Variants in DYSF observed in about 807,000 individuals in gnomAD.
The protein encoded by DYSF is dysferlin.
In DYSF, 212 loss-of-function variants were observed where a neutral mutation model predicts 274.9. The ratio of observed to expected loss-of-function variants is 0.77; its 90% CI spans 0.69 to 0.86. The LOEUF (loss-of-function observed/expected upper bound fraction) is 0.86. Among genes scored for constraint, DYSF ranks in the 40% least tolerant of loss-of-function variants. The pLI, the probability that DYSF is intolerant of heterozygous loss-of-function variation, is 0.00. For synonymous variants in DYSF, 1,091 were observed against 1,078.7 expected, an observed-to-expected ratio of 1.01 and a Z score of -0.22; for missense variants, 2,666 against 2,783.2, an observed-to-expected ratio of 0.96 and a Z score of 0.95.
intron 3 of DYSF, among the ~76,000 whole-genome samples, chr2:71,499,925 C>T (rs1198261058): frequency 2.0e-5 from 3 of 152,172 alleles, no homozygotes; most frequent in Non-Finnish European, 4.4e-5. Context: ...TCATAGCTGG[C>T]CCTGTGCAGG....
chr2:71,543,465 C>T (rs1438734995), intron 17 of DYSF, among the ~76,000 whole-genome samples: 13 of 151,952 alleles, frequency 8.6e-5, no homozygotes, highest in African/African-American at 2.7e-4. Flanking sequence ...GGGTGGCGGC[C>T]GGGCAGAGGC....
intron 32 of DYSF, among the ~76,000 whole-genome samples, chr2:71,596,574 C>A (rs948725185): frequency 1.3e-5 from 2 of 152,126 alleles, no homozygotes; most frequent in Non-Finnish European, 2.9e-5. Flanking sequence ...TGGGCCCTGC[C>A]AGGGGCAGGA....
At chr2:71,479,761 A>G (rs2082733894) in intron 1 of DYSF, among the ~76,000 whole-genome samples, 1 of 152,194 alleles carries the variant, frequency 6.6e-6, no homozygotes, top group Admixed American at 6.5e-5. Context: ...CAGCCATCAA[A>G]GTGTTAGTTC....
chr2:71,482,823 T>A (rs938040325), intron 3 of DYSF, among the ~76,000 whole-genome samples: 7 of 151,464 alleles, frequency 4.6e-5, no homozygotes, highest in Non-Finnish European at 7.4e-5. Flanking sequence ...CCAGCAGGAG[T>A]GGGTTCGTGC....
In DYSF at chr2:71,551,032, G is replaced by A. The variant is rs1273356143; in HGVS notation, c.1577-9G>A. ...GCCGACCCCTCTGATTGCCACTTGT[G>A]TCTCCCAGTGGATGACTACCTGGGC... On this transcript the variant is annotated splice_polypyrimidine_tract_variant and intron_variant, in intron 17 of 55. Coordinates refer to ENST00000410020, the MANE Select transcript of DYSF (RefSeq NM_001130987.2). The A allele has an allele frequency of 1.2e-6, 2 of 1,612,312 alleles. No homozygotes were observed. The highest frequency in any genetic ancestry group is 1.7e-6 in the Non-Finnish European group (2 of 1,178,324).
At chr2:71,620,370 A>G (rs1022531240) in intron 40 of DYSF, among the ~76,000 whole-genome samples, 177 bp from the exon 41 acceptor site, 1 of 152,202 alleles carries the variant, frequency 6.6e-6, no homozygotes, top group African/African-American at 2.4e-5. Flanking sequence ...GGGCTTGCTC[A>G]AAGTCACACA....
At position 71,598,546 on chromosome 2, in the gene DYSF, C is replaced by A. The variant is rs376861951; in HGVS notation, c.3575-18C>A. The A allele has an allele frequency of 2.5e-6, 4 of 1,614,156 alleles. No individual in the cohort carries two copies. The highest frequency in any genetic ancestry group is 1.3e-5 in the African/African-American group (1 of 75,072). Reference sequence around the variant, plus strand: ...CCTGCTGTGTCCTGTCTCCCCTCCCCCTCTCCGGCCCATGCAGATCCCTAT... The same window carrying A: ...CCTGCTGTGTCCTGTCTCCCCTCCCACTCTCCGGCCCATGCAGATCCCTAT... On this transcript the variant is annotated intron_variant, in intron 32 of 55. Transcript: ENST00000410020.
At chr2:71,671,136 G>A (rs780287784) in intron 51 of DYSF, among the ~76,000 whole-genome samples, 1 of 152,178 alleles carries the variant, frequency 6.6e-6, no homozygotes, top group Non-Finnish European at 1.5e-5. Flanking sequence ...AAAGCAAAAT[G>A]TTCCGCGGAA....
intron 4 of DYSF, among the ~76,000 whole-genome samples, chr2:71,510,586 C>T (rs770612746): frequency 2.0e-5 from 3 of 152,156 alleles, no homozygotes; most frequent in Admixed American, 6.5e-5. Context: ...GTGGCTGTCC[C>T]CAGGCCCCAG....
chr2:71,648,681 T>A (rs1440804858), intron 42 of DYSF, among the ~76,000 whole-genome samples: 1 of 152,238 alleles, frequency 6.6e-6, no homozygotes, highest in African/African-American at 2.4e-5. Context: ...CATATTCTAA[T>A]ATAATTACTG....
intron 51 of DYSF, among the ~76,000 whole-genome samples, chr2:71,672,562 C>T (rs2095145843): frequency 6.6e-6 from 1 of 152,190 alleles, no homozygotes; most frequent in Non-Finnish European, 1.5e-5. Flanking sequence ...CAGGCACCCA[C>T]CCTGCAAATA....
intron 6 of DYSF, 59 bp from the exon 7 acceptor site, chr2:71,513,657 G>A: frequency 6.3e-7 from 1 of 1,576,150 alleles, no homozygotes; most frequent in Non-Finnish European, 8.7e-7. Flanking sequence ...GGGTCCCAGG[G>A]GCAGGGGCAG....
chr2:71,492,433 AG>A (rs1333134872), intron 3 of DYSF, among the ~76,000 whole-genome samples: 4 of 152,178 alleles, frequency 2.6e-5, no homozygotes, highest in Admixed American at 6.5e-5. Flanking sequence ...GACGCTAACC[AG>A]GGGGAGATAC....
At chr2:71,605,528 G>A (rs1377038242) in intron 36 of DYSF, among the ~76,000 whole-genome samples, 1 of 152,144 alleles carries the variant, frequency 6.6e-6, no homozygotes, top group Non-Finnish European at 1.5e-5. Context: ...TTTCGGGGAG[G>A]TGGGGAGGGG....
intron 3 of DYSF, among the ~76,000 whole-genome samples, chr2:71,488,209 G>C (rs1344009284): frequency 1.3e-5 from 2 of 152,108 alleles, no homozygotes; most frequent in African/African-American, 2.4e-5. Context: ...TGAAAATAAA[G>C]ATGGTAAAAG....
At chr2:71,604,952 A>G (rs1249892939) in intron 36 of DYSF, among the ~76,000 whole-genome samples, 2 of 152,110 alleles carry the variant, frequency 1.3e-5, no homozygotes, top group East Asian at 3.9e-4. Flanking sequence ...CTGTTGGACA[A>G]CAAACTTCCC....
intron 41 of DYSF, among the ~76,000 whole-genome samples, chr2:71,640,551 C>A (rs916960790): frequency 2.7e-4 from 41 of 152,302 alleles, no homozygotes; most frequent in African/African-American, 9.6e-4. Flanking sequence ...AGGTGGCTGG[C>A]CAGTAGGCCA....
At chr2:71,531,039 C>T (rs1269548575) in intron 14 of DYSF, among the ~76,000 whole-genome samples, 2 of 151,762 alleles carry the variant, frequency 1.3e-5, no homozygotes, top group Non-Finnish European at 2.9e-5. Flanking sequence ...AGAAAAGGTC[C>T]TGCCCTACTT....
intron 41 of DYSF, among the ~76,000 whole-genome samples, chr2:71,629,053 G>A (rs1034238133): frequency 2.0e-5 from 3 of 152,022 alleles, no homozygotes; most frequent in South Asian, 4.2e-4. Flanking sequence ...CTCTTCAAAT[G>A]TTACAGATTC....
Sources: gnomAD v4.1 joint callset for allele counts (sites outside exome capture counted in the v4.1 genomes callset) on GRCh38, gnomAD v4.1.1 for gene constraint, MANE v1.5 for transcripts, NCBI Gene and HGNC (gene_info 2026-07-23, HGNC 2026-07-21) for gene names.